Variants in ANGPTL1 observed in about 807,000 individuals in gnomAD.
The protein encoded by ANGPTL1 is angiopoietin like 1.
In ANGPTL1, 36 loss-of-function variants were observed where a neutral mutation model predicts 46.7. The observed-to-expected ratio is 0.77, with a 90% CI of 0.59 to 1.02. The LOEUF (loss-of-function observed/expected upper bound fraction) is 1.02. Ranked by LOEUF, ANGPTL1 falls within the 50% of genes least tolerant of loss-of-function variation. The pLI is 0.00. For missense variants in ANGPTL1, 571 were observed against 594.7 expected, an observed-to-expected ratio of 0.96 and a Z score of 0.41; for synonymous variants, 221 against 204.3, an observed-to-expected ratio of 1.08 and a Z score of -0.69.
chr1:178,867,707 G>C (rs914085956), intron 2 of ANGPTL1, among the ~76,000 whole-genome samples: 1 of 151,852 alleles, frequency 6.6e-6, no homozygotes, highest in Non-Finnish European at 1.5e-5. Context: ...TTGTGTCCAC[G>C]TTCTGCCAGA....
At chr1:178,861,084 C>G (rs1413940) in intron 3 of ANGPTL1, among the ~76,000 whole-genome samples, 2 of 152,112 alleles carry the variant, frequency 1.3e-5, no homozygotes, top group South Asian at 4.2e-4. Context: ...TGAGAAAACA[C>G]AAACTGGCAG....
At chr1:178,859,964 G>A (rs181055672) in intron 3 of ANGPTL1, among the ~76,000 whole-genome samples, 6 of 151,574 alleles carry the variant, frequency 4.0e-5, no homozygotes, top group South Asian at 2.1e-4. Context: ...TGATCCACCC[G>A]TCTCGGCTAC....
At chr1:178,856,962 C>T (rs916482187) in intron 3 of ANGPTL1, among the ~76,000 whole-genome samples, 1 of 152,136 alleles carries the variant, frequency 6.6e-6, no homozygotes, top group East Asian at 1.9e-4. Flanking sequence ...CCCATGTAAA[C>T]CAGTATAACC....
At chr1:178,854,684 G>A (rs1257365306) in intron 3 of ANGPTL1, among the ~76,000 whole-genome samples, 1 of 152,166 alleles carries the variant, frequency 6.6e-6, no homozygotes, top group African/African-American at 2.4e-5. Context: ...TATCACAGAA[G>A]ATGGTAAACC....
chr1:178,865,498 G>C lies in ANGPTL1; in HGVS notation c.279C>G (p.Ser93=). ...GAACATCTATCTCCCGCTTCTGCCT[G>C]GAGAGCACATCCTTCAGGTTTTCAA... ...MDLENLKDVL[S]RQKREIDVLQ... is the part of the protein sequence containing the mutation. Residue 93 remains serine (S), a synonymous_variant, in exon 3 of 6, where the codon TCC becomes TCG. Coordinates refer to ENST00000234816, the MANE Select transcript of ANGPTL1 (RefSeq NM_004673.4). The C allele has an allele frequency of 6.2e-7, 1 of 1,613,990 alleles. No individual in the cohort carries two copies. Among genetic ancestry groups the C allele is most frequent in the South Asian group, 1.1e-5 (1 of 91,034 alleles).
At chr1:178,853,097 C>A in intron 4 of ANGPTL1, 144 bp from the exon 5 acceptor site, 1 of 1,416,242 alleles carries the variant, frequency 7.1e-7, no homozygotes, top group South Asian at 1.8e-5. Flanking sequence ...TGGTCACTTG[C>A]GTTTTATAAG....
chr1:178,866,374 T>A (rs1201424013), intron 2 of ANGPTL1, among the ~76,000 whole-genome samples: 1 of 152,200 alleles, frequency 6.6e-6, no homozygotes, highest in African/African-American at 2.4e-5. Context: ...TAGGGAAATC[T>A]AAACCCAGAT....
chr1:178,870,687 A>G (rs1309972799), intron 1 of ANGPTL1, 54 bp downstream of exon 1: 1 of 152,228 alleles, frequency 6.6e-6, no homozygotes, highest in African/African-American at 2.4e-5. Flanking sequence ...CAAATATAAA[A>G]TAGTTATGCA....
chr1:178,864,821 T>TA (rs1658271947), intron 3 of ANGPTL1, 133 bp downstream of exon 3: 1 of 534,304 alleles, frequency 1.9e-6, no homozygotes, highest in Non-Finnish European at 2.9e-6. Context: ...TTGATATTAA[T>TA]AAAAAACAAT....
At position 178,853,686 on chromosome 1, in the gene ANGPTL1, A is replaced by G. The variant is rs775747198; in HGVS notation, c.925T>C (p.Cys309Arg). The change falls in exon 4 of 6, where the codon TGT (cysteine) becomes CGT (arginine). Residue 309 changes from cysteine to arginine, a missense_variant. Cys to Arg is a radical substitution (Grantham distance 180). Transcript: ENST00000234816. ...ENSNGPMQLW[C>R]ENSLDPGGWT... ...CCCCCAGGGTCCAAACTGTTTTCAC[A>G]CCATAACTGCATTGGTCCATTGCTG... 12 of 1,613,194 alleles carry G rather than the reference A, an allele frequency of 7.4e-6. 1 individual carries two copies. The East Asian group carries it at 2.7e-4, about 36-fold the overall frequency.
chr1:178,869,658 C>T (rs1572432572), intron 1 of ANGPTL1, among the ~76,000 whole-genome samples: 1 of 152,000 alleles, frequency 6.6e-6, no homozygotes, highest in African/African-American at 2.4e-5. Context: ...CCAGCATTTA[C>T]AGTTTTAAAT....
intron 5 of ANGPTL1, among the ~76,000 whole-genome samples, chr1:178,852,102 A>G (rs1657210967): frequency 6.6e-6 from 1 of 152,106 alleles, no homozygotes; most frequent in Admixed American, 6.6e-5. Flanking sequence ...ATGCTCTTAC[A>G]CCATGTATCC....
At position 178,850,547 on chromosome 1, in the gene ANGPTL1, G is replaced by A. The variant is rs188567337; in HGVS notation, c.*582C>T. 4 of 151,652 alleles carry A rather than the reference G, an allele frequency of 2.6e-5. No homozygotes were observed. The highest frequency in any genetic ancestry group is 5.9e-5 in the Non-Finnish European group (4 of 67,884). 9.4% of individuals were successfully genotyped at this position (151,652 alleles called of 1,614,324 possible). On this transcript the variant is annotated 3_prime_UTR_variant, in exon 6 of 6. Transcript: ENST00000234816. ...AAAATGATATGTATTTAATACTATG[G>A]GTCATGTTTTGGGAAAATCAGCATA...
In ANGPTL1 at chr1:178,865,791, G is replaced by A. The variant is rs748164009; in HGVS notation, c.-15C>T. On this transcript the variant is annotated 5_prime_UTR_variant, in exon 3 of 6. Transcript: ENST00000234816. ...AAAGTCTTCATTTTGAAATGAGGTT[G>A]TAAAATGATGTCTTTTGAAAAACAA... is the stretch of plus-strand genomic sequence containing the variant. 1 of 1,534,816 alleles carries A rather than the reference G, an allele frequency of 6.5e-7. No homozygotes were observed. Among genetic ancestry groups the A allele is most frequent in the South Asian group, 1.2e-5 (1 of 80,738 alleles).
chr1:178,863,114 GTC>G (rs779729880), intron 3 of ANGPTL1, among the ~76,000 whole-genome samples: 13 of 152,186 alleles, frequency 8.5e-5, no homozygotes, highest in Non-Finnish European at 1.6e-4. Flanking sequence ...AGCCTATGGA[GTC>G]TCTGTCTTCT....
rs753602068 is a variant in ANGPTL1, at chr1:178,865,571, TTGG to T, written c.203_205del (p.Thr68del). On this transcript the variant is annotated inframe_deletion, in exon 3 of 6. Transcript: ENST00000234816. The stretch of plus-strand genomic sequence containing the variant: ...TTTAATGGTACTTGCATCTTGCCCC[TTGG>T]TGTTGACACAGATTGGCCCTGTTAT... 68 of 1,614,002 alleles carry T rather than the reference TTGG, an allele frequency of 4.2e-5. No homozygotes were observed. The Admixed American group carries it at 5.5e-4, about 13-fold the overall frequency.
At chr1:178,864,135 G>A (rs1658220799) in intron 3 of ANGPTL1, among the ~76,000 whole-genome samples, 1 of 151,954 alleles carries the variant, frequency 6.6e-6, no homozygotes, top group Admixed American at 6.6e-5. Context: ...AGTTAGCAGT[G>A]GGTTTAGTAA....
rs12123784 is a variant in ANGPTL1 at position 178,850,503 on chromosome 1, G to A, written c.*626C>T. 2.0e-5 allele frequency: 3 copies of A among 150,388 alleles called. No individual in the cohort carries two copies. In the East Asian group the frequency reaches 5.8e-4, roughly 29 times the overall value. 9.3% of individuals were successfully genotyped at this position (150,388 alleles called of 1,614,324 possible). A position where few individuals can be genotyped will look rare whatever the true frequency, so the allele number is the denominator to read the frequency against. On this transcript the variant is annotated 3_prime_UTR_variant, in exon 6 of 6. Coordinates refer to ENST00000234816, the MANE Select transcript of ANGPTL1 (RefSeq NM_004673.4). ...TTTAAATTATGCATGCATTATTTTT[G>A]GGTTTTTTTTTATTTTTAAAAATGA...
intron 1 of ANGPTL1, among the ~76,000 whole-genome samples, chr1:178,869,766 A>T (rs1658634859): frequency 6.6e-6 from 1 of 152,122 alleles, no homozygotes; most frequent in South Asian, 2.1e-4. Context: ...TTTAATTTTT[A>T]CAAGGCTAAA....
Sources: allele counts gnomAD v4.1 joint callset (sites outside exome capture counted in the v4.1 genomes callset), GRCh38; gene constraint gnomAD v4.1.1; transcripts MANE v1.5; gene names NCBI Gene and HGNC (gene_info 2026-07-23, HGNC 2026-07-21).